Variants in MYOM2 observed in about 807,000 individuals in gnomAD.
MYOM2 encodes the protein myomesin-2.
Under a neutral mutation model 187.6 loss-of-function variants are expected in MYOM2, and 254 were observed. The ratio of observed to expected loss-of-function variants is 1.35; its 90% CI spans 1.22 to 1.50. The LOEUF (loss-of-function observed/expected upper bound fraction) is 1.50, where lower values mean the gene tolerates loss of function less well. Among genes scored for constraint, MYOM2 ranks in the 40% most tolerant of loss-of-function variants. The probability of loss-of-function intolerance (pLI) is 0.00; values close to 1 mark genes in which losing one functional copy is unlikely to be tolerated. For synonymous variants in MYOM2, 981 were observed against 753.8 expected (o/e 1.30, Z -4.94); for missense variants, 2,796 against 1,924.0 (o/e 1.45, Z -8.48).
chr8:2,141,455 A>G (rs1257363077), intron 34 of MYOM2, among the ~76,000 whole-genome samples: 1 of 152,242 alleles, frequency 6.6e-6, no homozygotes, highest in Non-Finnish European at 1.5e-5. Flanking sequence ...AGAAACACGC[A>G]AAGCAGATTA....
chr8:2,131,044 C>G (rs948826247), intron 32 of MYOM2, among the ~76,000 whole-genome samples: 2 of 152,176 alleles, frequency 1.3e-5, no homozygotes, highest in African/African-American at 4.8e-5. Flanking sequence ...CCACCCCCCT[C>G]TTCAGCCTTG....
chr8:2,134,388 A>G (rs1370806139), intron 32 of MYOM2, among the ~76,000 whole-genome samples: 1 of 152,226 alleles, frequency 6.6e-6, no homozygotes, highest in Non-Finnish European at 1.5e-5. Flanking sequence ...AACAAAAGCC[A>G]TGCTGATACC....
intron 33 of MYOM2, 77 bp downstream of exon 33, chr8:2,140,963 T>C: frequency 6.9e-7 from 1 of 1,448,030 alleles, no homozygotes; most frequent in Non-Finnish European, 9.4e-7. Flanking sequence ...GGGAATACAA[T>C]ATGAATACAA....
intron 3 of MYOM2, among the ~76,000 whole-genome samples, chr8:2,055,397 A>G (rs2129328544): frequency 6.6e-6 from 1 of 152,278 alleles, no homozygotes; most frequent in East Asian, 1.9e-4. Context: ...GGAGGAGCAG[A>G]AGCCAGCCCA....
In MYOM2 at chr8:2,052,576, C is replaced by G. The variant is rs150986308; in HGVS notation, c.263+263C>G. On this transcript the variant is annotated intron_variant, in intron 3 of 36. Transcript: ENST00000262113. ...GAAGAGAGCGTTGCTGTTCAGAGCG[C>G]TCACGCCACTGCCCAGGATTCCATG... Among the ~76,000 whole-genome samples, 234 of 152,354 alleles carry G rather than the reference C, an allele frequency of 1.5e-3. 3 individuals carry two copies. The highest frequency in any genetic ancestry group is 6.8e-3 in the Middle Eastern group (2 of 294).
At chr8:2,134,485 C>A (rs1316653374) in intron 32 of MYOM2, among the ~76,000 whole-genome samples, 1 of 149,516 alleles carries the variant, frequency 6.7e-6, no homozygotes, top group Non-Finnish European at 1.5e-5. Flanking sequence ...TACTTCAGGA[C>A]TTGGCAAGTC....
chr8:2,076,302 C>T lies in MYOM2; in HGVS notation c.1262+20C>T, dbSNP rs1443448969. The T allele has an allele frequency of 6.2e-7, 1 of 1,611,646 alleles. No individual in the cohort carries two copies. Among genetic ancestry groups the T allele is most frequent in the South Asian group, 1.1e-5 (1 of 90,608 alleles). ...GGACCGGTGAGCGTCTTGCATTCTC[C>T]CGGGGATGGGAACGTTCCGCATGGA... On this transcript the variant is annotated intron_variant, in intron 11 of 36. Transcript: ENST00000262113.
chr8:2,068,370 CG>C (rs1819091957), intron 6 of MYOM2, among the ~76,000 whole-genome samples: 3 of 145,412 alleles, frequency 2.1e-5, no homozygotes, highest in African/African-American at 5.2e-5. Context: ...GTGCACCAGG[CG>C]GAGAGCATCC....
chr8:2,095,032 C>T lies in MYOM2; in HGVS notation c.2125+941C>T, dbSNP rs184815644. On this transcript the variant is annotated intron_variant, in intron 17 of 36. Coordinates refer to ENST00000262113, the MANE Select transcript of MYOM2 (RefSeq NM_003970.4). ...CCTTGGATTCACAGGGTTATCTTCC[C>T]ACTTCAGAGGGAACTATGTGGCTCG... 9.1e-4 allele frequency among the ~76,000 whole-genome samples: 138 copies of T among 152,176 alleles called. 2 individuals are homozygous for T. Among genetic ancestry groups the T allele is most frequent in the African/African-American group, 3.2e-3 (134 of 41,430 alleles).
rs1275001411 is a variant in MYOM2, at chr8:2,052,204, T to A, written c.154T>A (p.Ser52Thr). 4 of 1,613,224 alleles carry A rather than the reference T, an allele frequency of 2.5e-6. No homozygotes were observed. Among genetic ancestry groups the A allele is most frequent in the South Asian group, 2.2e-5 (2 of 90,754 alleles). ...ASSQKSLSQRSSSQRASSQTS... is the reference protein window; with the variant it reads ...ASSQKSLSQRTSSQRASSQTS... The stretch of plus-strand genomic sequence containing the variant: ...TTCCCAGAAGTCCTTGAGTCAGCGG[T>A]CGTCTTCACAGAGAGCCTCCAGCCA... The change falls in exon 3 of 37, where the codon TCG (serine) becomes ACG (threonine). Residue 52 changes from serine to threonine, a missense_variant. By Grantham distance (58) the Ser-to-Thr change is moderately conservative (BLOSUM62 1). Coordinates refer to ENST00000262113, the MANE Select transcript of MYOM2 (RefSeq NM_003970.4).
intron 13 of MYOM2, among the ~76,000 whole-genome samples, chr8:2,083,309 T>G (rs562417410): frequency 4.1e-5 from 6 of 147,134 alleles, no homozygotes; most frequent in African/African-American, 1.5e-4. Context: ...CAGTGTCTCA[T>G]GTGTGTTTAG....
chr8:2,112,100 G>A (rs1156845439), intron 25 of MYOM2, among the ~76,000 whole-genome samples: 1 of 152,136 alleles, frequency 6.6e-6, no homozygotes, highest in African/African-American at 2.4e-5. Flanking sequence ...CCCAGTGGAC[G>A]GCAGCACCTA....
At chr8:2,085,434 G>GC (rs753221264) in intron 14 of MYOM2, 44 bp downstream of exon 14, 34 of 1,601,864 alleles carry the variant, frequency 2.1e-5, no homozygotes, top group South Asian at 1.1e-4. Context: ...TCTCTGCATG[G>GC]CCCCCCACTG....
At chr8:2,123,899 A>G (rs749107771) in intron 30 of MYOM2, among the ~76,000 whole-genome samples, 1 of 152,268 alleles carries the variant, frequency 6.6e-6, no homozygotes, top group Non-Finnish European at 1.5e-5. Flanking sequence ...GCAACGCATT[A>G]CTAATGCAGT....
At chr8:2,118,632 G>A (rs1272820922) in intron 28 of MYOM2, among the ~76,000 whole-genome samples, 1 of 152,198 alleles carries the variant, frequency 6.6e-6, no homozygotes, top group Non-Finnish European at 1.5e-5. Flanking sequence ...GTTCTAGGAA[G>A]ATCCAGCAGC....
intron 32 of MYOM2, among the ~76,000 whole-genome samples, chr8:2,131,126 C>A (rs1019016356): frequency 2.0e-5 from 3 of 152,174 alleles, no homozygotes; most frequent in African/African-American, 7.2e-5. Flanking sequence ...CACCCACACA[C>A]AGGATTAAAC....
chr8:2,132,289 G>A (rs1446340449), intron 32 of MYOM2, among the ~76,000 whole-genome samples: 3 of 151,234 alleles, frequency 2.0e-5, no homozygotes, highest in Non-Finnish European at 2.9e-5. Flanking sequence ...TGAGAATTTT[G>A]TGAAATGCGG....
intron 21 of MYOM2, among the ~76,000 whole-genome samples, chr8:2,103,463 T>C (rs1460816087): frequency 3.4e-5 from 5 of 145,528 alleles, no homozygotes; most frequent in African/African-American, 5.1e-5. Flanking sequence ...GCATGTGTTA[T>C]GTGTATATGT....
At chr8:2,129,929 A>G (rs192842464) in intron 32 of MYOM2, among the ~76,000 whole-genome samples, 104 of 152,336 alleles carry the variant, frequency 6.8e-4, no homozygotes, top group Non-Finnish European at 9.0e-4. Flanking sequence ...ATCACCGCAG[A>G]TAAAAGTGGA....
Sources: allele counts gnomAD v4.1 joint callset (sites outside exome capture counted in the v4.1 genomes callset), GRCh38; gene constraint gnomAD v4.1.1; transcripts MANE v1.5; gene names NCBI Gene and HGNC (gene_info 2026-07-23, HGNC 2026-07-21).